Variants in PSMG2 observed in about 807,000 individuals in gnomAD.
PSMG2 encodes CD40 ligand-activated specific transcript 3.
A neutral mutation model predicts 31.5 loss-of-function variants in PSMG2; 21 were observed. The ratio of observed to expected loss-of-function variants is 0.67; its 90% confidence interval spans 0.47 to 0.96. The LOEUF (loss-of-function observed/expected upper bound fraction) is 0.96. PSMG2 is among the 40% of genes least tolerant of loss of function. The probability of loss-of-function intolerance (pLI) is 0.00; values close to 1 mark genes in which losing one functional copy is unlikely to be tolerated. For synonymous variants in PSMG2, 120 were observed against 110.4 expected (o/e 1.09, Z -0.54); for missense variants, 318 against 321.2 (o/e 0.99, Z 0.08).
chr18:12,699,088 A>G, upstream of PSMG2: 1 of 1,614,140 alleles, frequency 6.2e-7, no homozygotes, highest in East Asian at 2.2e-5. Context: ...GTAAACATAA[A>G]GTAAACGTTG....
At chr18:12,700,886 AACCTTATAAGTAGTGT>A, upstream of PSMG2, 1 of 1,276,236 alleles carries the variant, frequency 7.8e-7, no homozygotes, top group East Asian at 2.3e-5. Flanking sequence ...CCCACATCGG[AACCTTATAAGTAGTGT>A]TACGCATTAG....
chr18:12,665,721 G>C (rs1461514396), intron 1 of PSMG2, among the ~76,000 whole-genome samples: 6 of 151,990 alleles, frequency 3.9e-5, no homozygotes, highest in Non-Finnish European at 7.4e-5. Flanking sequence ...TTTTGAGACA[G>C]AGTCTTGCTC....
At chr18:12,702,636 G>A (rs187355773), upstream of PSMG2, 1,515 of 1,432,230 alleles carry the variant, frequency 1.1e-3, no homozygotes, top group Non-Finnish European at 1.2e-3. Flanking sequence ...CGTTAGGAGC[G>A]ACTGGAGCAC....
chr18:12,699,018 G>T (rs1183189047), upstream of PSMG2: 3 of 1,613,664 alleles, frequency 1.9e-6, no homozygotes, highest in Admixed American at 3.3e-5. Flanking sequence ...AAGCCATCAT[G>T]AAAATCTGGT....
At chr18:12,695,232 A>G (rs755905250) in intron 1 of PSMG2, 1 of 1,100,154 alleles carries the variant, frequency 9.1e-7, no homozygotes, top group Non-Finnish European at 1.3e-6. Context: ...ACACAAAAAA[A>G]GAGAAACTCA....
At chr18:12,709,945 T>C (rs1435209938) in intron 2 of PSMG2, among the ~76,000 whole-genome samples, 12 of 118,584 alleles carry the variant, frequency 1.0e-4, no homozygotes, top group Non-Finnish European at 1.5e-4. Context: ...CCTCATAAAC[T>C]TTTTTTTTTT....
chr18:12,724,615 C>T lies in PSMG2; in HGVS notation c.698C>T (p.Pro233Leu). 6.3e-7 allele frequency: 1 copy of T among 1,598,738 alleles called. No homozygotes were observed. Among genetic ancestry groups the T allele is most frequent in the Non-Finnish European group, 8.5e-7 (1 of 1,174,238 alleles). The change falls in exon 6 of 7, where the codon CCA becomes CTA. Residue 233 changes from proline (P) to leucine (L), a missense_variant. Pro to Leu is a moderately conservative substitution (Grantham distance 98). Transcript: ENST00000317615. Reference sequence around the variant, plus strand: ...AATGAGTGGCTTCAGATACTCAAACCACTTGTAAGTTCTATTATAGCTTAA... The same window carrying T: ...AATGAGTGGCTTCAGATACTCAAACTACTTGTAAGTTCTATTATAGCTTAA... Reference protein sequence around the residue: ...YLNEWLQILKPLSDDPTVSAS... With the variant: ...YLNEWLQILKLLSDDPTVSAS...
At chr18:12,681,056 G>A (rs1014899166) in intron 1 of PSMG2, among the ~76,000 whole-genome samples, 6 of 151,900 alleles carry the variant, frequency 3.9e-5, no homozygotes, top group East Asian at 3.9e-4. Context: ...AAAATTAGCC[G>A]GGTGTGGTAG....
At chr18:12,686,161 A>G in intron 1 of PSMG2, 1 of 895,200 alleles carries the variant, frequency 1.1e-6, no homozygotes, top group Middle Eastern at 2.6e-4. Context: ...CAGAGGGTTG[A>G]CTATATGTGC....
Position 12,724,590 on chromosome 18 carries a change from A to G in PSMG2, c.673A>G (p.Asn225Asp). The change falls in exon 6 of 7, where the codon AAT becomes GAT. Residue 225 changes from asparagine to aspartate, a missense_variant. By Grantham distance (23) the Asn-to-Asp change is conservative. Transcript: ENST00000317615. ...PDALGLVEYLNEWLQILKPLS... is the reference protein window; with the variant it reads ...PDALGLVEYLDEWLQILKPLS... ...TGCATTAGGTCTTGTTGAGTATCTTAATGAGTGGCTTCAGATACTCAAACC... is the reference window on the plus strand; with the variant it reads ...TGCATTAGGTCTTGTTGAGTATCTTGATGAGTGGCTTCAGATACTCAAACC... 6.2e-7 allele frequency: 1 copy of G among 1,609,102 alleles called. No homozygotes were observed. Among genetic ancestry groups the G allele is most frequent in the Non-Finnish European group, 8.5e-7 (1 of 1,178,342 alleles).
At chr18:12,701,121 G>A, upstream of PSMG2, 1 of 1,602,644 alleles carries the variant, frequency 6.2e-7, no homozygotes. Context: ...CATCTATGTA[G>A]AAAACTCATA....
chr18:12,659,264 TACAACAGTCTATTTAAATA>T (rs1304472124), intron 1 of PSMG2, among the ~76,000 whole-genome samples: 2 of 128,612 alleles, frequency 1.6e-5, no homozygotes, highest in East Asian at 2.1e-4. Context: ...CGGTAGAAAC[TACAACAGTCTATTTAAATA>T]ACAACAGTCT....
chr18:12,712,898 T>TA (rs45492392), intron 3 of PSMG2, 138 bp downstream of exon 3: 55,677 of 568,466 alleles, frequency 0.098, 3,663 homozygotes, highest in Non-Finnish European at 0.12. Flanking sequence ...GAAATAATCT[T>TA]ACAATATTTC....
chr18:12,694,750 T>C (rs1177182992), intron 1 of PSMG2, among the ~76,000 whole-genome samples: 2 of 151,916 alleles, frequency 1.3e-5, no homozygotes, highest in Non-Finnish European at 2.9e-5. Context: ...CTTGCTCTGT[T>C]GCCCAGGCTG....
At chr18:12,697,518 G>C (rs2039998311) in intron 1 of PSMG2, 3 of 737,082 alleles carry the variant, frequency 4.1e-6, no homozygotes, top group Non-Finnish European at 6.2e-6. Flanking sequence ...AAACCAAAGA[G>C]AACAATTTGC....
At chr18:12,669,161 G>C (rs1241802723) in intron 1 of PSMG2, among the ~76,000 whole-genome samples, 1 of 144,258 alleles carries the variant, frequency 6.9e-6, no homozygotes, top group Non-Finnish European at 1.5e-5. Context: ...TTCCCAAGCT[G>C]GAGTGCAGTG....
chr18:12,704,752 G>A lies in PSMG2; in HGVS notation c.57+1588G>A, dbSNP rs190527109. Among the ~76,000 whole-genome samples, 762 of 152,294 alleles carry A rather than the reference G, an allele frequency of 5.0e-3. 6 individuals carry two copies. The highest frequency in any genetic ancestry group is 0.018 in the African/African-American group (732 of 41,564). On this transcript the variant is annotated intron_variant, in intron 1 of 6. Transcript: ENST00000317615. ...ATGAAAGATATTAGAGCATGTTTAC[G>A]TGCTGATGGGAATAATACAATATTG... is the stretch of plus-strand genomic sequence containing the variant.
intron 1 of PSMG2, among the ~76,000 whole-genome samples, chr18:12,705,576 A>AGAGTGTGTGTGTGTGTGT (rs1465866538): frequency 7.7e-6 from 1 of 129,678 alleles, no homozygotes. Context: ...AGAGAGAGAG[A>AGAGTGTGTGTGTGTGTGT]GTGTGTGTGT....
At chr18:12,673,240 A>G in intron 1 of PSMG2, 1 of 1,433,996 alleles carries the variant, frequency 7.0e-7, no homozygotes, top group Non-Finnish European at 9.1e-7. Context: ...AGTATATACA[A>G]AATTGAAGTA....
Sources: gnomAD v4.1 joint callset for allele counts (sites outside exome capture counted in the v4.1 genomes callset) on GRCh38, gnomAD v4.1.1 for gene constraint, MANE v1.5 for transcripts, NCBI Gene and HGNC (gene_info 2026-07-23, HGNC 2026-07-21) for gene names.